FAT1: variants seen among roughly 807,000 people sequenced by gnomAD.
FAT1 encodes protocadherin Fat 1.
In FAT1, 171 loss-of-function variants were observed where a neutral mutation model predicts 329.8. That is an observed-to-expected ratio of 0.52 (90% CI 0.46 to 0.59). The LOEUF is 0.59. FAT1 is among the 20% of genes least tolerant of loss of function. FAT1 has a pLI of 0.00. For missense variants in FAT1, 5,672 were observed against 5,774.4 expected (o/e 0.98, Z 0.57); for synonymous variants, 2,233 against 2,228.6 (o/e 1.00, Z -0.06).
chr4:186,655,331 T>C (rs1438059880), intron 3 of FAT1, among the ~76,000 whole-genome samples: 1 of 152,168 alleles, frequency 6.6e-6, no homozygotes, highest in Non-Finnish European at 1.5e-5. Flanking sequence ...AAGTAAACAT[T>C]GGTTAGATAA....
At chr4:186,714,846 G>A (rs1467482767) in intron 1 of FAT1, among the ~76,000 whole-genome samples, 3 of 152,214 alleles carry the variant, frequency 2.0e-5, no homozygotes, top group Non-Finnish European at 2.9e-5. Flanking sequence ...TCGGGAGGCC[G>A]AGGCAGGCGG....
In FAT1 at chr4:186,596,878, A is replaced by G. The variant is rs2126391403; in HGVS notation, c.12662T>C (p.Leu4221Pro). 6.2e-7 allele frequency: 1 copy of G among 1,614,054 alleles called. No individual in the cohort carries two copies. Among genetic ancestry groups the G allele is most frequent in the Non-Finnish European group, 8.5e-7 (1 of 1,179,890 alleles). The change falls in exon 25 of 27, where the codon CTG becomes CCG. Residue 4221 changes from leucine to proline, a missense_variant. By Grantham distance (98) the Leu-to-Pro change is moderately conservative. Coordinates refer to ENST00000441802, the MANE Select transcript of FAT1 (RefSeq NM_005245.4). The surrounding 1 kb of genome is among the most constrained non-coding windows in gnomAD (Gnocchi z 4.7). ...KHQAEPKDKH[L>P]GPATAFLQRP... ...TTGCAAGAAAGCCGTAGCGGGTCCCAGGTGCTTGTCTTTAGGTTCAGCCTG... is the reference window on the plus strand; with the variant it reads ...TTGCAAGAAAGCCGTAGCGGGTCCCGGGTGCTTGTCTTTAGGTTCAGCCTG...
At chr4:186,639,461 C>T (rs777358394) in intron 4 of FAT1, among the ~76,000 whole-genome samples, 6 of 152,118 alleles carry the variant, frequency 3.9e-5, no homozygotes, top group African/African-American at 1.2e-4. Flanking sequence ...CCTGTGTGTG[C>T]GCAAGCATAA....
chr4:186,691,266 C>A (rs1321106308), intron 2 of FAT1, among the ~76,000 whole-genome samples: 2 of 152,180 alleles, frequency 1.3e-5, no homozygotes. Context: ...ACAGAGTACA[C>A]CGTGCTGATT....
At chr4:186,636,258 A>AT in intron 5 of FAT1, 23 bp from the exon 6 acceptor site, 1 of 1,606,172 alleles carries the variant, frequency 6.2e-7, no homozygotes, top group Non-Finnish European at 8.5e-7. Context: ...GGCAGAGGGG[A>AT]TTAAAAACAG....
chr4:186,604,003 C>T (rs2126436383), intron 18 of FAT1, 26 bp from the exon 19 acceptor site: 1 of 1,560,758 alleles, frequency 6.4e-7, no homozygotes, highest in Non-Finnish European at 8.8e-7. Flanking sequence ...AATAAAATCA[C>T]CTTTGTCTAT....
intron 3 of FAT1, among the ~76,000 whole-genome samples, chr4:186,663,078 T>C (rs1406934505): frequency 6.6e-6 from 1 of 152,188 alleles, no homozygotes; most frequent in Non-Finnish European, 1.5e-5. Context: ...CCTCGTGATC[T>C]GCCTGCCTCG....
In FAT1 at chr4:186,614,290, G is replaced by T. The variant is rs201737827; in HGVS notation, c.9130C>A (p.Gln3044Lys). ...EDVLPGKLIM[Q>K]ISATDADIRS... ...ATGTCTGCGTCTGTAGCAGAGATCTGCATGATCAATTTTCCAGGAAGGACG... is the reference window on the plus strand; with the variant it reads ...ATGTCTGCGTCTGTAGCAGAGATCTTCATGATCAATTTTCCAGGAAGGACG... The change falls in exon 12 of 27, where the codon CAG becomes AAG. Residue 3044 changes from glutamine (Q) to lysine (K), a missense_variant. Gln to Lys is a moderately conservative substitution (Grantham distance 53). Transcript: ENST00000441802. 8.7e-5 allele frequency: 139 copies of T among 1,590,698 alleles called. No homozygotes were observed. The highest frequency in any genetic ancestry group is 7.5e-4 in the African/African-American group (55 of 73,736).
chr4:186,647,644 A>T (rs771391122), intron 3 of FAT1, among the ~76,000 whole-genome samples: 1 of 152,206 alleles, frequency 6.6e-6, no homozygotes, highest in Non-Finnish European at 1.5e-5. Flanking sequence ...TCATAGCATT[A>T]TTCTGACAAA....
In FAT1 at chr4:186,708,785, G is replaced by T. The variant is rs751003765; in HGVS notation, c.1043C>A (p.Ser348Tyr). The T allele has an allele frequency of 6.2e-7, 1 of 1,613,992 alleles. No homozygotes were observed. Among genetic ancestry groups the T allele is most frequent in the Non-Finnish European group, 8.5e-7 (1 of 1,179,886 alleles). ...AGTCACGTGAATGACTTTAACAGAA[G>T]AGAACTGGGGCGGAGTTCCTTTATC... is the stretch of plus-strand genomic sequence containing the variant. Reference protein sequence around the residue: ...AKDKGTPPQFSSVKVIHVTSP... With the variant: ...AKDKGTPPQFYSVKVIHVTSP... Residue 348 changes from serine (S) to tyrosine (Y), a missense_variant, in exon 2 of 27, where the codon TCT (serine) becomes TAT (tyrosine). Around this residue, in one of 2 missense-constraint regions of FAT1, gnomAD observed 3,966 missense variants for 3,915.2 expected, o/e 1.01. Coordinates refer to ENST00000441802, the MANE Select transcript of FAT1 (RefSeq NM_005245.4).
At chr4:186,684,330 T>C (rs1579444388) in intron 2 of FAT1, among the ~76,000 whole-genome samples, 3 of 152,148 alleles carry the variant, frequency 2.0e-5, no homozygotes, top group East Asian at 1.9e-4. Flanking sequence ...ACTGCACAGT[T>C]ATAGGAGTGC....
At chr4:186,657,945 G>T (rs1348788425) in intron 3 of FAT1, among the ~76,000 whole-genome samples, 1 of 152,112 alleles carries the variant, frequency 6.6e-6, no homozygotes, top group Non-Finnish European at 1.5e-5. Context: ...CTTTTGTTTG[G>T]GACTCCCTTT....
At chr4:186,590,359 A>G (rs1256404156) in intron 26 of FAT1, 2 of 1,288,656 alleles carry the variant, frequency 1.6e-6, no homozygotes, top group Non-Finnish European at 2.0e-6. Context: ...ACTGGCATGC[A>G]TAAGTCACCT....
chr4:186,723,798 C>G lies in FAT1; in HGVS notation c.-153G>C, dbSNP rs372128708. 2 of 134,412 alleles carry G rather than the reference C, an allele frequency of 1.5e-5. No homozygotes were observed. The highest frequency in any genetic ancestry group is 4.9e-4 in the East Asian group (2 of 4,042). The allele number at this position is 134,412 out of a possible 1,614,324, so 8.3% of individuals were successfully genotyped here. On this transcript the variant is annotated 5_prime_UTR_variant, in exon 1 of 27. Coordinates refer to ENST00000441802, the MANE Select transcript of FAT1 (RefSeq NM_005245.4). Reference sequence around the variant, plus strand: ...TCCGCATGGTACCTGCCGCACGAGCCGCTCCCGCGCCCTCTCCCCGCGCCC... The same window carrying G: ...TCCGCATGGTACCTGCCGCACGAGCGGCTCCCGCGCCCTCTCCCCGCGCCC...
intron 3 of FAT1, among the ~76,000 whole-genome samples, chr4:186,644,705 T>C (rs1054904599): frequency 1.3e-5 from 2 of 152,240 alleles, no homozygotes; most frequent in African/African-American, 4.8e-5. Context: ...CTCTTTGACA[T>C]TTCTTATAAA....
intron 9 of FAT1, among the ~76,000 whole-genome samples, chr4:186,622,295 T>G (rs1324688902): frequency 1.3e-5 from 2 of 152,254 alleles, no homozygotes; most frequent in African/African-American, 4.8e-5. Context: ...CTTTACAGGT[T>G]TTGAAGATTG....
Position 186,709,099 on chromosome 4 carries a change from T to C in FAT1, c.729A>G (p.Leu243=), listed in dbSNP as rs1485153246. The part of the protein sequence containing the change: ...GSSGISSMAK[L]TVHIEQANEC... Reference sequence around the variant, plus strand: ...CATTGGCCTGTTCGATGTGCACCGTTAGCTTGGCCATGCTGCTGATGCCAC... The same window carrying C: ...CATTGGCCTGTTCGATGTGCACCGTCAGCTTGGCCATGCTGCTGATGCCAC... Residue 243 remains leucine (L), a synonymous_variant, in exon 2 of 27, where the codon CTA becomes CTG. Coordinates refer to ENST00000441802, the MANE Select transcript of FAT1 (RefSeq NM_005245.4). 1.9e-6 allele frequency: 3 copies of C among 1,613,848 alleles called. No homozygotes were observed. Among genetic ancestry groups the C allele is most frequent in the South Asian group, 2.2e-5 (2 of 91,086 alleles).
chr4:186,628,241 C>T lies in FAT1; in HGVS notation c.4723G>A (p.Ala1575Thr), dbSNP rs768661863. The change falls in exon 9 of 27, where the codon GCA (alanine) becomes ACA (threonine). Residue 1575 changes from alanine (A) to threonine (T), a missense_variant. Around this residue, in one of 2 missense-constraint regions of FAT1, gnomAD observed 3,966 missense variants for 3,915.2 expected, o/e 1.01. Coordinates refer to ENST00000441802, the MANE Select transcript of FAT1 (RefSeq NM_005245.4). ...TGCAACACAACTGAGCCAACGGCTG[C>T]CGATTCATAAACCCGCCCTTTGTAG... The part of the protein sequence containing the change: ...SSYKGRVYES[A>T]AVGSVVLQVT... 3.4e-5 allele frequency: 55 copies of T among 1,613,940 alleles called. No homozygotes were observed. In the East Asian group the frequency reaches 1.2e-3, roughly 36 times the overall value.
intron 2 of FAT1, among the ~76,000 whole-genome samples, chr4:186,666,580 G>A (rs903133619): frequency 6.6e-6 from 1 of 152,192 alleles, no homozygotes; most frequent in African/African-American, 2.4e-5. Context: ...AGACAGGTAC[G>A]TGGTGCTTTT....
Sources: gnomAD v4.1 joint callset for allele counts (sites outside exome capture counted in the v4.1 genomes callset) on GRCh38, gnomAD v4.1.1 for gene constraint, gnomAD v4.1.1 regional missense constraint, Gnocchi (gnomAD v3.1) non-coding constraint, MANE v1.5 for transcripts, NCBI Gene and HGNC (gene_info 2026-07-23, HGNC 2026-07-21) for gene names.